The following SYN3 variants were observed in gnomAD, a reference collection of about 807,000 sequenced individuals.
SYN3 encodes the protein synapsin-3.
In SYN3, 35 loss-of-function variants were observed where a neutral mutation model predicts 65.8. The observed-to-expected ratio is 0.53, with a 90% CI of 0.41 to 0.70. The LOEUF (loss-of-function observed/expected upper bound fraction) is 0.70, where lower values mean the gene tolerates loss of function less well. Among genes scored for constraint, SYN3 ranks in the 30% least tolerant of loss-of-function variants. SYN3 has a pLI of 0.00. For synonymous variants in SYN3, 270 were observed against 292.9 expected (o/e 0.92, Z 0.80); for missense variants, 680 against 749.0 (o/e 0.91, Z 1.08).
chr22:33,043,873 T>G (rs1367813097), intron 1 of SYN3, among the ~76,000 whole-genome samples: 1 of 151,984 alleles, frequency 6.6e-6, no homozygotes, highest in East Asian at 1.9e-4. Flanking sequence ...GCCAACATGG[T>G]GAAACACCGT....
intron 1 of SYN3, among the ~76,000 whole-genome samples, chr22:33,019,715 G>A (rs1227335994): frequency 2.6e-5 from 4 of 152,116 alleles, no homozygotes; most frequent in Admixed American, 2.6e-4. Context: ...CGCGATCTTG[G>A]CTCACTGCAT....
At chr22:32,920,913 G>C (rs1263131319) in intron 4 of SYN3, among the ~76,000 whole-genome samples, 1 of 152,144 alleles carries the variant, frequency 6.6e-6, no homozygotes, top group Non-Finnish European at 1.5e-5. Flanking sequence ...TTTGAAGGTA[G>C]CTGAGTTCCT....
chr22:33,008,840 G>A (rs918907568), intron 1 of SYN3, among the ~76,000 whole-genome samples: 6 of 146,424 alleles, frequency 4.1e-5, no homozygotes, highest in Admixed American at 7.1e-5. Flanking sequence ...CACGAGAATC[G>A]CTTGAACCCA....
At chr22:32,565,064 A>T (rs2058651938) in intron 7 of SYN3, among the ~76,000 whole-genome samples, 1 of 148,686 alleles carries the variant, frequency 6.7e-6, no homozygotes, top group Non-Finnish European at 1.5e-5. Context: ...CTGCACCCAA[A>T]CAGTGCTCCC....
chr22:32,548,984 C>T (rs573010953), intron 7 of SYN3, among the ~76,000 whole-genome samples: 4 of 152,012 alleles, frequency 2.6e-5, no homozygotes, highest in Admixed American at 6.6e-5. Flanking sequence ...CAGGGGTGGG[C>T]GGCCTAGAGC....
chr22:32,726,476 C>T (rs558474433), intron 6 of SYN3, among the ~76,000 whole-genome samples: 1 of 152,252 alleles, frequency 6.6e-6, no homozygotes, highest in Non-Finnish European at 1.5e-5. Flanking sequence ...CAGAGGGGAT[C>T]CGAACTCTAT....
At chr22:33,015,741 T>C (rs1371562969) in intron 1 of SYN3, among the ~76,000 whole-genome samples, 1 of 152,214 alleles carries the variant, frequency 6.6e-6, no homozygotes, top group Non-Finnish European at 1.5e-5. Context: ...ATACACTTAA[T>C]CTTGTAACTT....
At chr22:32,898,860 T>C (rs544037630) in intron 4 of SYN3, among the ~76,000 whole-genome samples, 1 of 152,216 alleles carries the variant, frequency 6.6e-6, no homozygotes, top group East Asian at 1.9e-4. Context: ...CCCAACACTT[T>C]GGGAGGCCGA....
intron 3 of SYN3, among the ~76,000 whole-genome samples, chr22:32,976,255 G>A (rs992404191): frequency 4.6e-5 from 7 of 152,174 alleles, no homozygotes; most frequent in Admixed American, 2.6e-4. Flanking sequence ...TCCATGGGTC[G>A]TTCTGGCTTC....
intron 2 of SYN3, among the ~76,000 whole-genome samples, chr22:32,987,609 T>C (rs549060346): frequency 1.3e-5 from 2 of 152,304 alleles, no homozygotes; most frequent in South Asian, 4.1e-4. Context: ...TATGCCTGTA[T>C]GGGGATCTGC....
At chr22:32,811,407 C>T (rs2145989244) in intron 6 of SYN3, among the ~76,000 whole-genome samples, 1 of 152,278 alleles carries the variant, frequency 6.6e-6, no homozygotes. Context: ...TAGAGCAGAG[C>T]TGATATTCTC....
chr22:32,606,866 A>C (rs2059379847), intron 6 of SYN3, among the ~76,000 whole-genome samples: 1 of 151,008 alleles, frequency 6.6e-6, no homozygotes, highest in African/African-American at 2.4e-5. Context: ...TTATTTATTT[A>C]TTTTTATTAT....
Position 32,653,199 on chromosome 22 carries a change from T to G in SYN3, c.712-56463A>C, listed in dbSNP as rs200770370. Reference sequence around the variant, plus strand: ...CTGAAGCACTCAGAAAATCATCAGTTATCAAATTGCTTTCCCATCACTGTT... The same window carrying G: ...CTGAAGCACTCAGAAAATCATCAGTGATCAAATTGCTTTCCCATCACTGTT... On this transcript the variant is annotated intron_variant, in intron 6 of 13. Coordinates refer to ENST00000358763, the MANE Select transcript of SYN3 (RefSeq NM_003490.4). Among the ~76,000 whole-genome samples the G allele has an allele frequency of 3.9e-5, 6 of 152,078 alleles. No homozygotes were observed. The East Asian group carries it at 1.2e-3, about 29-fold the overall frequency.
chr22:32,934,479 G>C (rs896907754), intron 3 of SYN3, among the ~76,000 whole-genome samples: 1 of 152,208 alleles, frequency 6.6e-6, no homozygotes, highest in African/African-American at 2.4e-5. Context: ...AAGGTAGCCA[G>C]CTTCCGTGGG....
chr22:32,878,746 A>G (rs2049047184), intron 4 of SYN3, among the ~76,000 whole-genome samples: 1 of 152,184 alleles, frequency 6.6e-6, no homozygotes, highest in Admixed American at 6.5e-5. Context: ...ACTCAATAGT[A>G]TGAAGTATAT....
intron 4 of SYN3, among the ~76,000 whole-genome samples, chr22:32,890,898 G>A (rs1392175588): frequency 6.6e-6 from 1 of 152,118 alleles, no homozygotes; most frequent in Non-Finnish European, 1.5e-5. Flanking sequence ...CTCTTGGACT[G>A]CAAAGGATGC....
At chr22:32,757,592 C>T (rs1014823641) in intron 6 of SYN3, among the ~76,000 whole-genome samples, 4 of 152,124 alleles carry the variant, frequency 2.6e-5, no homozygotes, top group African/African-American at 7.2e-5. Context: ...CCACCGTGCC[C>T]GGCCTGGGCT....
chr22:32,638,415 T>A (rs561972022), intron 6 of SYN3, among the ~76,000 whole-genome samples: 152 of 152,368 alleles, frequency 1.0e-3, no homozygotes, highest in Non-Finnish European at 1.9e-3. Context: ...TGAATTAATT[T>A]ACATTCCCAC....
At chr22:32,628,280 G>A (rs1349464433) in intron 6 of SYN3, among the ~76,000 whole-genome samples, 1 of 152,238 alleles carries the variant, frequency 6.6e-6, no homozygotes, top group East Asian at 1.9e-4. Context: ...CTTGATGTTA[G>A]TGTTTCTAGA....
Sources: allele counts gnomAD v4.1 joint callset (sites outside exome capture counted in the v4.1 genomes callset), GRCh38; gene constraint gnomAD v4.1.1; transcripts MANE v1.5; gene names NCBI Gene and HGNC (gene_info 2026-07-23, HGNC 2026-07-21).